EPB41L4B: variants seen among roughly 807,000 people sequenced by gnomAD.
The protein encoded by EPB41L4B is band 4.1-like protein 4B.
EPB41L4B carries 30 observed loss-of-function variants against 112.5 expected under a neutral mutation model. The ratio of observed to expected loss-of-function variants is 0.27; its 90% CI spans 0.20 to 0.36. EPB41L4B has a LOEUF of 0.36. Ranked by LOEUF, EPB41L4B falls within the 10% of genes least tolerant of loss-of-function variation. The pLI is 1.00. For synonymous variants in EPB41L4B, 408 were observed against 439.7 expected, an observed-to-expected ratio of 0.93 and a Z score of 0.90; for missense variants, 1,024 against 1,133.3, an observed-to-expected ratio of 0.90 and a Z score of 1.38.
In EPB41L4B at chr9:109,173,763, CTA is replaced by C. The variant is rs1413487230; in HGVS notation, c.*789_*790del. The C allele has an allele frequency of 1.3e-5, 2 of 152,576 alleles. No homozygotes were observed. The highest frequency in any genetic ancestry group is 4.8e-5 in the African/African-American group (2 of 41,438). 9.5% of individuals were successfully genotyped at this position (152,576 alleles called of 1,614,324 possible). A position where few individuals can be genotyped will look rare whatever the true frequency, so the allele number is the denominator to read the frequency against. On this transcript the variant is annotated 3_prime_UTR_variant, in exon 26 of 26. Transcript: ENST00000374566. ...AAATTTAAAAACACATTTCTTGAAA[CTA>C]TATAAAAAGAGCAAAATTTCTTCTG...
chr9:109,320,203 TGGCGGCGCC>T lies in EPB41L4B; in HGVS notation c.235_243del (p.Gly79_Ala81del). On this transcript the variant is annotated inframe_deletion, in exon 1 of 26. Coordinates refer to ENST00000374566, the MANE Select transcript of EPB41L4B (RefSeq NM_019114.5). ...AAGACGCGGCAGTAGAGGGTGGCCT[TGGCGGCGCC>T]GGCGGCGGAGATGTGCACGGCCGCG... 1 of 1,439,224 alleles carries T rather than the reference TGGCGGCGCC, an allele frequency of 6.9e-7. No homozygotes were observed. Among genetic ancestry groups the T allele is most frequent in the Non-Finnish European group, 9.2e-7 (1 of 1,091,708 alleles). 89.2% of individuals were successfully genotyped at this position (1,439,224 alleles called of 1,614,324 possible). A position where few individuals can be genotyped will look rare whatever the true frequency, so the allele number is the denominator to read the frequency against.
At chr9:109,237,440 A>G (rs978649931) in intron 15 of EPB41L4B, among the ~76,000 whole-genome samples, 1 of 152,248 alleles carries the variant, frequency 6.6e-6, no homozygotes, top group African/African-American at 2.4e-5. Context: ...AGTTAATTCC[A>G]TTAGTTATGG....
chr9:109,305,995 A>T (rs1354338311), intron 1 of EPB41L4B, among the ~76,000 whole-genome samples: 1 of 152,150 alleles, frequency 6.6e-6, no homozygotes, highest in Non-Finnish European at 1.5e-5. Context: ...AGTGAAGGGG[A>T]CACTGGGGAG....
Position 109,206,836 on chromosome 9 carries a change from G to A in EPB41L4B, c.1878+1088C>T, listed in dbSNP as rs1472052996. Among the ~76,000 whole-genome samples the A allele has an allele frequency of 2.0e-5, 3 of 152,242 alleles. No homozygotes were observed. The East Asian group carries it at 5.8e-4, about 29-fold the overall frequency. ...TGCTTTGCCAGGTGGCTCCATGATA[G>A]GTTCTGTCCACATGGGGCGCTCCTT... is the stretch of plus-strand genomic sequence containing the variant. On this transcript the variant is annotated intron_variant, in intron 18 of 25. Transcript: ENST00000374566.
At position 109,194,373 on chromosome 9, in the gene EPB41L4B, G is replaced by T. The variant is rs761491088; in HGVS notation, c.2070C>A (p.Asp690Glu). The part of the protein sequence containing the change: ...YSFDEDDLPP[D>E]LAEAVGVTTS... ...TGGTCACTCCCACTGCCTCGGCCAG[G>T]TCTGGAGGGAGGTCGTCTTCATCAC... Residue 690 changes from aspartate (D) to glutamate (E), a missense_variant, in exon 21 of 26, where the codon GAC becomes GAA. Physicochemically the swap from Asp to Glu is conservative, Grantham distance 45. Transcript: ENST00000374566. 44 of 1,614,028 alleles carry T rather than the reference G, an allele frequency of 2.7e-5. No homozygotes were observed. The East Asian group carries it at 5.8e-4, about 21-fold the overall frequency.
intron 16 of EPB41L4B, 95 bp from the exon 17 acceptor site, chr9:109,213,913 C>G (rs535692793): frequency 9.2e-7 from 1 of 1,087,596 alleles, no homozygotes; most frequent in South Asian, 1.4e-5. Flanking sequence ...ATTCCCAGCA[C>G]CCTTTCTGCC....
intron 22 of EPB41L4B, among the ~76,000 whole-genome samples, chr9:109,187,093 A>G (rs1053596414): frequency 5.3e-5 from 8 of 152,338 alleles, no homozygotes; most frequent in Admixed American, 1.3e-4. Context: ...AACCACGGAC[A>G]GGGTTATTTT....
chr9:109,203,401 C>T (rs753519426), intron 19 of EPB41L4B, among the ~76,000 whole-genome samples: 1 of 152,120 alleles, frequency 6.6e-6, no homozygotes, highest in South Asian at 2.1e-4. Context: ...CAATGTGAAG[C>T]CCACTTGCTT....
intron 2 of EPB41L4B, among the ~76,000 whole-genome samples, chr9:109,271,850 A>G (rs1305784995): frequency 6.6e-6 from 1 of 152,222 alleles, no homozygotes; most frequent in Non-Finnish European, 1.5e-5. Flanking sequence ...GTGGTTTCTA[A>G]TCTGAATTTC....
At chr9:109,315,924 G>A (rs1285442245) in intron 1 of EPB41L4B, among the ~76,000 whole-genome samples, 1 of 151,910 alleles carries the variant, frequency 6.6e-6, no homozygotes, top group African/African-American at 2.4e-5. Flanking sequence ...AGCCTGCCTG[G>A]CACAGCATTT....
intron 15 of EPB41L4B, chr9:109,240,586 G>A (rs763101850): frequency 6.1e-6 from 6 of 985,154 alleles, no homozygotes; most frequent in Non-Finnish European, 7.2e-6. Flanking sequence ...TTGAAATGGG[G>A]GAAATAAATA....
At position 109,238,991 on chromosome 9, in the gene EPB41L4B, T is replaced by C. The variant is rs1001448; in HGVS notation, c.1409+4627A>G. Among the ~76,000 whole-genome samples the C allele has an allele frequency of 5.8e-3, 883 of 152,282 alleles. 19 individuals are homozygous for C. The East Asian group carries it at 0.086, about 15-fold the overall frequency. ...AGTGGGGAATTCCACTGAGAGGCCC[T>C]TGGACTTCATCCTCAGGGTAATGGC... On this transcript the variant is annotated intron_variant, in intron 15 of 25. Transcript: ENST00000374566.
chr9:109,247,986 T>A (rs985889410), intron 13 of EPB41L4B, among the ~76,000 whole-genome samples, 197 bp from the exon 14 acceptor site: 7 of 152,224 alleles, frequency 4.6e-5, no homozygotes, highest in Non-Finnish European at 1.0e-4. Context: ...AGACAGCAAC[T>A]TTCACTTGTC....
intron 21 of EPB41L4B, among the ~76,000 whole-genome samples, chr9:109,192,565 A>G (rs1194648700): frequency 6.6e-6 from 1 of 152,208 alleles, no homozygotes; most frequent in Non-Finnish European, 1.5e-5. Context: ...CATGGTGCAG[A>G]GAGCTGTCCC....
chr9:109,288,896 CA>C (rs148863066), intron 1 of EPB41L4B, among the ~76,000 whole-genome samples: 2 of 149,568 alleles, frequency 1.3e-5, no homozygotes, highest in African/African-American at 4.9e-5. Flanking sequence ...AAGACCTTGT[CA>C]AAAAAAAGGA....
Position 109,218,314 on chromosome 9 carries a change from TG to T in EPB41L4B, c.1410-1170del, listed in dbSNP as rs1833458469. On this transcript the variant is annotated intron_variant, in intron 15 of 25. Transcript: ENST00000374566. Reference sequence around the variant, plus strand: ...CTAGTTTTTGTATTTTTAGTAGAGATGGGGTTTCACCATGTTGGCCAAGCTG... The same window carrying T: ...CTAGTTTTTGTATTTTTAGTAGAGATGGGTTTCACCATGTTGGCCAAGCTG... Among the ~76,000 whole-genome samples, 3 of 151,834 alleles carry T rather than the reference TG, an allele frequency of 2.0e-5. No homozygotes were observed. In the South Asian group the frequency reaches 6.2e-4, roughly 32 times the overall value.
At chr9:109,266,281 T>C (rs1471371674) in intron 4 of EPB41L4B, among the ~76,000 whole-genome samples, 1 of 151,734 alleles carries the variant, frequency 6.6e-6, no homozygotes, top group Non-Finnish European at 1.5e-5. Flanking sequence ...GAGGCTGAGG[T>C]GGGAGGATCA....
At chr9:109,308,529 G>A (rs1837301717) in intron 1 of EPB41L4B, among the ~76,000 whole-genome samples, 1 of 152,146 alleles carries the variant, frequency 6.6e-6, no homozygotes, top group African/African-American at 2.4e-5. Flanking sequence ...AAAGAACCTT[G>A]CTGAAAACCA....
At chr9:109,264,870 T>G (rs1835343310) in intron 5 of EPB41L4B, 110 bp downstream of exon 5, 1 of 969,650 alleles carries the variant, frequency 1.0e-6, no homozygotes, top group Non-Finnish European at 1.5e-6. Flanking sequence ...CTGGTGCACT[T>G]TTTTTGAATT....
Sources: allele counts gnomAD v4.1 joint callset (sites outside exome capture counted in the v4.1 genomes callset), GRCh38; gene constraint gnomAD v4.1.1; transcripts MANE v1.5; gene names NCBI Gene and HGNC (gene_info 2026-07-23, HGNC 2026-07-21).